ROBO1: variants seen among roughly 807,000 people sequenced by gnomAD.
The protein encoded by ROBO1 is roundabout guidance receptor 1.
In ROBO1, 149 loss-of-function variants were observed where a neutral mutation model predicts 195.9. The observed-to-expected ratio is 0.76, with a 90% CI of 0.67 to 0.87. ROBO1 has a LOEUF of 0.87. Among genes scored for constraint, ROBO1 ranks in the 40% least tolerant of loss-of-function variants. The pLI is 0.00. For synonymous variants in ROBO1, 816 were observed against 733.2 expected (o/e 1.11, Z -1.82); for missense variants, 1,933 against 2,068.3 (o/e 0.93, Z 1.27).
At chr3:78,955,278 G>A (rs1323919328) in intron 3 of ROBO1, among the ~76,000 whole-genome samples, 1 of 151,856 alleles carries the variant, frequency 6.6e-6, no homozygotes, top group Non-Finnish European at 1.5e-5. Flanking sequence ...TGTGTGTCAT[G>A]GGGGTTTGGT....
chr3:78,821,912 G>C (rs1000108334), intron 4 of ROBO1, among the ~76,000 whole-genome samples: 2 of 152,090 alleles, frequency 1.3e-5, no homozygotes, highest in Non-Finnish European at 2.9e-5. Flanking sequence ...AATTCAGACA[G>C]AGAAGAAGAA....
intron 2 of ROBO1, among the ~76,000 whole-genome samples, chr3:79,416,575 T>A (rs1308274782): frequency 1.4e-5 from 2 of 145,226 alleles, no homozygotes; most frequent in Admixed American, 7.1e-5. Context: ...GCCACTGCAC[T>A]CCAGCCTGGG....
At chr3:79,305,161 A>G (rs1470410585) in intron 2 of ROBO1, among the ~76,000 whole-genome samples, 3 of 152,180 alleles carry the variant, frequency 2.0e-5, no homozygotes, top group African/African-American at 7.2e-5. Flanking sequence ...ACTTTGAGGC[A>G]GGTTGAGATT....
At chr3:79,495,226 T>C (rs1317034094) in intron 2 of ROBO1, among the ~76,000 whole-genome samples, 1 of 152,168 alleles carries the variant, frequency 6.6e-6, no homozygotes, top group Non-Finnish European at 1.5e-5. Flanking sequence ...GCAGATCTCA[T>C]TCAAGAGGGC....
At chr3:79,652,057 C>T (rs759281492) in intron 1 of ROBO1, among the ~76,000 whole-genome samples, 2 of 152,082 alleles carry the variant, frequency 1.3e-5, no homozygotes, top group Non-Finnish European at 2.9e-5. Context: ...GGAACTGAAG[C>T]CCTCAGGTCT....
chr3:78,715,512 T>G (rs1255737520), intron 7 of ROBO1, among the ~76,000 whole-genome samples: 1 of 152,092 alleles, frequency 6.6e-6, no homozygotes, highest in East Asian at 1.9e-4. Context: ...ACACCCATAG[T>G]GCTAACAAAA....
chr3:79,018,560 A>G, intron 3 of ROBO1: 1 of 1,544,448 alleles, frequency 6.5e-7, no homozygotes, highest in Non-Finnish European at 8.8e-7. Flanking sequence ...ACAAAGGCTT[A>G]ATATAAGCAA....
chr3:79,461,488 G>T (rs972199209), intron 2 of ROBO1, among the ~76,000 whole-genome samples: 7 of 152,072 alleles, frequency 4.6e-5, no homozygotes, highest in South Asian at 4.1e-4. Context: ...CTCCCCTAAG[G>T]CATCAAGCAT....
At chr3:79,097,372 T>C (rs1190535022) in intron 3 of ROBO1, among the ~76,000 whole-genome samples, 1 of 151,818 alleles carries the variant, frequency 6.6e-6, no homozygotes, top group East Asian at 1.9e-4. Flanking sequence ...ATTCAGAAAA[T>C]AGAATTAGAA....
chr3:78,783,511 A>G (rs1361108896), intron 4 of ROBO1, among the ~76,000 whole-genome samples: 1 of 152,212 alleles, frequency 6.6e-6, no homozygotes, highest in East Asian at 1.9e-4. Flanking sequence ...TTATCACAAT[A>G]GTGATGCTAA....
chr3:79,176,688 C>T (rs2081266318), intron 2 of ROBO1, among the ~76,000 whole-genome samples: 1 of 152,114 alleles, frequency 6.6e-6, no homozygotes. Flanking sequence ...AAACTCCTGA[C>T]CTCAAGTGAT....
At chr3:79,670,855 C>A (rs1029057129) in intron 1 of ROBO1, among the ~76,000 whole-genome samples, 4 of 151,702 alleles carry the variant, frequency 2.6e-5, no homozygotes, top group African/African-American at 4.8e-5. Context: ...ATTTGGGAAG[C>A]AATTTACTGC....
chr3:79,098,926 C>T (rs1394573252), intron 3 of ROBO1, among the ~76,000 whole-genome samples: 2 of 151,798 alleles, frequency 1.3e-5, no homozygotes, highest in East Asian at 3.9e-4. Flanking sequence ...CTAACAATCA[C>T]TATGAAATTT....
At chr3:79,643,023 A>G (rs1945711776) in intron 1 of ROBO1, among the ~76,000 whole-genome samples, 1 of 151,316 alleles carries the variant, frequency 6.6e-6, no homozygotes, top group Non-Finnish European at 1.5e-5. Flanking sequence ...CATTTGAATC[A>G]GTGGACTGGG....
intron 5 of ROBO1, among the ~76,000 whole-genome samples, chr3:78,731,058 T>G (rs769177851): frequency 1.3e-5 from 2 of 152,144 alleles, no homozygotes; most frequent in African/African-American, 4.8e-5. Flanking sequence ...ACCATTTCTA[T>G]TTCTATAGTT....
At chr3:79,705,273 G>T (rs113857087) in intron 1 of ROBO1, among the ~76,000 whole-genome samples, 3,800 of 151,814 alleles carry the variant, frequency 0.025, 154 homozygotes, top group African/African-American at 0.088. Context: ...CAAATCCAAG[G>T]TCATTTAGAT....
At chr3:79,416,332 G>T (rs2037998957) in intron 2 of ROBO1, among the ~76,000 whole-genome samples, 1 of 151,754 alleles carries the variant, frequency 6.6e-6, no homozygotes, top group Non-Finnish European at 1.5e-5. Context: ...TGGGCAGGGT[G>T]CTATGTCGCA....
chr3:79,047,006 T>C (rs775112059), intron 3 of ROBO1, among the ~76,000 whole-genome samples: 1 of 152,094 alleles, frequency 6.6e-6, no homozygotes, highest in Non-Finnish European at 1.5e-5. Flanking sequence ...TGACAAGTAC[T>C]GAAGGTATGC....
At chr3:79,423,793 G>A (rs2038330857) in intron 2 of ROBO1, among the ~76,000 whole-genome samples, 2 of 152,066 alleles carry the variant, frequency 1.3e-5, no homozygotes, top group South Asian at 4.1e-4. Context: ...AGATTCACAG[G>A]TATATGTACA....
Sources: gnomAD v4.1 joint callset for allele counts (sites outside exome capture counted in the v4.1 genomes callset) on GRCh38, gnomAD v4.1.1 for gene constraint, MANE v1.5 for transcripts, NCBI Gene and HGNC (gene_info 2026-07-23, HGNC 2026-07-21) for gene names.